The following FAM118B variants were observed in gnomAD, a reference collection of about 807,000 sequenced individuals.
FAM118B encodes protein FAM118B.
Under a neutral mutation model 38.5 loss-of-function variants are expected in FAM118B, and 24 were observed. That is an observed-to-expected ratio of 0.62 (90% CI 0.45 to 0.88). The LOEUF (loss-of-function observed/expected upper bound fraction) is 0.88. FAM118B is among the 40% of genes least tolerant of loss of function. FAM118B has a pLI of 0.00. For missense variants in FAM118B, 334 were observed against 420.0 expected (o/e 0.80, Z 1.79); for synonymous variants, 138 against 156.3 (o/e 0.88, Z 0.87).
At chr11:126,260,239 C>T (rs969417160) in intron 7 of FAM118B, among the ~76,000 whole-genome samples, 3 of 151,668 alleles carry the variant, frequency 2.0e-5, no homozygotes, top group African/African-American at 4.8e-5. Context: ...CGCCATGTTG[C>T]CCAGGCTGTT....
intron 1 of FAM118B, among the ~76,000 whole-genome samples, chr11:126,216,467 C>CT (rs1949980445): frequency 6.6e-6 from 1 of 152,208 alleles, no homozygotes; most frequent in South Asian, 2.1e-4. Flanking sequence ...TTGTTTTCCT[C>CT]TTTTCCTCTG....
intron 1 of FAM118B, among the ~76,000 whole-genome samples, chr11:126,220,427 T>C (rs1013723706): frequency 2.0e-5 from 3 of 152,178 alleles, no homozygotes; most frequent in Non-Finnish European, 2.9e-5. Context: ...AGACTGATGC[T>C]TGGCTGGGCT....
chr11:126,218,135 A>G (rs1039360090), intron 1 of FAM118B, among the ~76,000 whole-genome samples: 1 of 152,086 alleles, frequency 6.6e-6, no homozygotes, highest in Non-Finnish European at 1.5e-5. Context: ...CTCAATCTTT[A>G]ATTTTTCTTT....
At chr11:126,231,744 T>C (rs1950208893) in intron 2 of FAM118B, among the ~76,000 whole-genome samples, 1 of 152,224 alleles carries the variant, frequency 6.6e-6, no homozygotes, top group Non-Finnish European at 1.5e-5. Flanking sequence ...TATTCAGGTC[T>C]AGACATCATG....
At chr11:126,222,073 G>A in intron 1 of FAM118B, among the ~76,000 whole-genome samples, 1 of 152,118 alleles carries the variant, frequency 6.6e-6, no homozygotes, top group Admixed American at 6.5e-5. Flanking sequence ...ATTGTTTTGT[G>A]TCTTAACAAC....
chr11:126,260,879 C>G (rs1217982553), intron 7 of FAM118B: 1 of 152,560 alleles, frequency 6.6e-6, no homozygotes, highest in Non-Finnish European at 1.5e-5. Flanking sequence ...ATAATCTTCA[C>G]TGTCTAGTAT....
rs1254083419 is a variant in FAM118B at position 126,241,011 on chromosome 11, T to C, written c.306T>C (p.His102=). The stretch of plus-strand genomic sequence containing the variant: ...TCCATGAAGACAAGAACCTGGTCCA[T>C]GTTGCCCATGACCTTATCCAGAAAC... ...KCLHEDKNLV[H]VAHDLIQKLS... Residue 102 remains histidine, a synonymous_variant, in exon 4 of 9, where the codon CAT becomes CAC. Coordinates refer to ENST00000533050, the MANE Select transcript of FAM118B (RefSeq NM_024556.4). 6.2e-7 allele frequency: 1 copy of C among 1,612,458 alleles called. No homozygotes were observed. Among genetic ancestry groups the C allele is most frequent in the South Asian group, 1.1e-5 (1 of 90,978 alleles).
rs1950562745 is a variant in FAM118B at position 126,255,408 on chromosome 11, A to G, written c.696+975A>G. Among the ~76,000 whole-genome samples, 1 of 152,178 alleles carries G rather than the reference A, an allele frequency of 6.6e-6. No individual in the cohort carries two copies. Among genetic ancestry groups the G allele is most frequent in the South Asian group, 2.1e-4 (1 of 4,824 alleles). On this transcript the variant is annotated intron_variant, in intron 6 of 8. Coordinates refer to ENST00000533050, the MANE Select transcript of FAM118B (RefSeq NM_024556.4). This position sits in a 1 kb window ranked among gnomAD's most constrained non-coding sequence, Gnocchi z 4.6. ...TTTTCTTTTTACCCATTCTTTCCCAACATCTGCCATAACTGCATCCATCTC... is the reference window on the plus strand; with the variant it reads ...TTTTCTTTTTACCCATTCTTTCCCAGCATCTGCCATAACTGCATCCATCTC...
At chr11:126,214,500 T>C (rs970179218) in intron 1 of FAM118B, 2 of 80,450 alleles carry the variant, frequency 2.5e-5, no homozygotes, top group African/African-American at 4.3e-5. Context: ...GTTTTTTTTT[T>C]TTGTTTTTTT....
At chr11:126,219,347 A>ACCTTTTTT (rs1950028323) in intron 1 of FAM118B, among the ~76,000 whole-genome samples, 1 of 49,104 alleles carries the variant, frequency 2.0e-5, no homozygotes. Flanking sequence ...GCTCTTGTTT[A>ACCTTTTTT]TCTTTTTTTT....
intron 4 of FAM118B, chr11:126,245,381 T>C: frequency 6.6e-6 from 1 of 152,186 alleles, no homozygotes; most frequent in Non-Finnish European, 1.5e-5. Context: ...AATTTTTTTT[T>C]CTTTCAAAGC....
intron 4 of FAM118B, among the ~76,000 whole-genome samples, chr11:126,243,239 G>A (rs1950380442): frequency 1.3e-5 from 2 of 152,196 alleles, no homozygotes; most frequent in South Asian, 4.1e-4. Context: ...GTAGGAGGGA[G>A]TACTTCCAAC....
At chr11:126,248,512 A>G (rs1010027065) in intron 4 of FAM118B, among the ~76,000 whole-genome samples, 7 of 151,530 alleles carry the variant, frequency 4.6e-5, no homozygotes, top group Admixed American at 2.0e-4. Flanking sequence ...CTGGCACTAC[A>G]GGCACCACCA....
chr11:126,256,580 A>C lies in FAM118B; in HGVS notation c.710A>C (p.Lys237Thr), dbSNP rs750066940. The part of the protein sequence containing the change: ...RNTEVMREIQ[K>T]LYENKSFLFL... ...TTTTCCTTCCAGAGAGAAATTCAGA[A>C]ACTCTACGAAAACAAGTCATTTCTT... is the stretch of plus-strand genomic sequence containing the variant. Residue 237 changes from lysine to threonine, a missense_variant, in exon 7 of 9, where the codon AAA becomes ACA. By Grantham distance (78) the Lys-to-Thr change is moderately conservative (BLOSUM62 -1). This residue lies in a region of FAM118B where 240 missense variants were observed against 295.9 expected (regional missense o/e 0.81). Coordinates refer to ENST00000533050, the MANE Select transcript of FAM118B (RefSeq NM_024556.4). This position sits in a 1 kb window ranked among gnomAD's most constrained non-coding sequence, Gnocchi z 6.6. 8 of 1,613,576 alleles carry C rather than the reference A, an allele frequency of 5.0e-6. No homozygotes were observed. In the Admixed American group the frequency reaches 1.3e-4, roughly 27 times the overall value.
At chr11:126,243,991 C>T (rs1838944904) in intron 4 of FAM118B, among the ~76,000 whole-genome samples, 1 of 151,118 alleles carries the variant, frequency 6.6e-6, no homozygotes, top group Admixed American at 6.6e-5. Context: ...TCAGTAGGTG[C>T]AGAAAAAACA....
chr11:126,231,002 C>G (rs777029248), intron 2 of FAM118B, among the ~76,000 whole-genome samples: 2 of 152,112 alleles, frequency 1.3e-5, no homozygotes, highest in Non-Finnish European at 1.5e-5. Context: ...GCCCTTTTTC[C>G]TTTTTCATCC....
intron 2 of FAM118B, chr11:126,233,590 C>T (rs1950234413): frequency 2.6e-6 from 1 of 377,400 alleles, no homozygotes; most frequent in Non-Finnish European, 5.2e-6. Context: ...CCCCAGCTTT[C>T]TCACCAACAG....
At chr11:126,230,669 A>G (rs1320063674) in intron 2 of FAM118B, among the ~76,000 whole-genome samples, 3 of 152,184 alleles carry the variant, frequency 2.0e-5, no homozygotes, top group African/African-American at 7.2e-5. Flanking sequence ...GTCTGCTAAT[A>G]TACCCAGGTG....
chr11:126,245,723 G>C (rs893557570), intron 4 of FAM118B, among the ~76,000 whole-genome samples: 1 of 151,980 alleles, frequency 6.6e-6, no homozygotes, highest in Non-Finnish European at 1.5e-5. Context: ...GAGGCCGAGC[G>C]CAGTGGCTAA....
Sources: allele counts gnomAD v4.1 joint callset (sites outside exome capture counted in the v4.1 genomes callset), GRCh38; gene constraint gnomAD v4.1.1; regional missense constraint gnomAD v4.1.1; non-coding constraint Gnocchi (gnomAD v3.1); transcripts MANE v1.5; gene names NCBI Gene and HGNC (gene_info 2026-07-23, HGNC 2026-07-21).